PAK5: variants seen among roughly 807,000 people sequenced by gnomAD.
PAK5 encodes the protein p21 (RAC1) activated kinase 5.
PAK5 carries 16 observed loss-of-function variants against 65.9 expected under a neutral mutation model. That is an observed-to-expected ratio of 0.24 (90% CI 0.16 to 0.37). PAK5 has a LOEUF of 0.37. Among genes scored for constraint, PAK5 ranks in the 10% least tolerant of loss-of-function variants. The pLI, the probability that PAK5 is intolerant of heterozygous loss-of-function variation, is 1.00. For synonymous variants in PAK5, 371 were observed against 354.9 expected, an observed-to-expected ratio of 1.05 and a Z score of -0.51; for missense variants, 785 against 903.9, an observed-to-expected ratio of 0.87 and a Z score of 1.69.
At chr20:9,740,713 A>C (rs1383244082) in intron 1 of PAK5, among the ~76,000 whole-genome samples, 1 of 152,224 alleles carries the variant, frequency 6.6e-6, no homozygotes, top group African/African-American at 2.4e-5. Context: ...GCCAGCCTCA[A>C]TCAGCCAACA....
chr20:9,787,959 T>C (rs1429484704), intron 1 of PAK5, among the ~76,000 whole-genome samples: 1 of 136,654 alleles, frequency 7.3e-6, no homozygotes, highest in Non-Finnish European at 1.6e-5. Context: ...ATTAGCTGTC[T>C]CCAGCCCATG....
At chr20:9,557,454 G>A (rs1466235664) in intron 7 of PAK5, among the ~76,000 whole-genome samples, 154 bp downstream of exon 7, 1 of 152,208 alleles carries the variant, frequency 6.6e-6, no homozygotes, top group Non-Finnish European at 1.5e-5. Flanking sequence ...GGAAGGGATG[G>A]TAATTTCTTT....
At chr20:9,728,100 T>C (rs1425298924) in intron 1 of PAK5, among the ~76,000 whole-genome samples, 2 of 152,112 alleles carry the variant, frequency 1.3e-5, no homozygotes, top group Admixed American at 1.3e-4. Context: ...TGGGAGATGA[T>C]TAGGCAATGA....
At chr20:9,602,327 TAAATA>T (rs921321190) in intron 3 of PAK5, among the ~76,000 whole-genome samples, 7 of 144,122 alleles carry the variant, frequency 4.9e-5, no homozygotes, top group Non-Finnish European at 9.3e-5. Flanking sequence ...AATAAATAAA[TAAATA>T]AATAAATAAA....
rs2122994471 is a variant in PAK5, at chr20:9,566,031, G to A, written c.1344C>T (p.Tyr448=). 6.2e-7 allele frequency: 1 copy of A among 1,613,976 alleles called. No homozygotes were observed. The highest frequency in any genetic ancestry group is 8.5e-7 in the Non-Finnish European group (1 of 1,179,998). ...CCCCGATTTTGATAAAGTTGGCCAA[G>A]TATTCCCTGGGGTCTCCTGGGCTGA... is the stretch of plus-strand genomic sequence containing the variant. ...LVVSPGDPRE[Y]LANFIKIGEG... Residue 448 remains tyrosine, a synonymous_variant, in exon 5 of 10, where the codon TAC becomes TAT. Transcript: ENST00000353224.
At chr20:9,764,857 T>C (rs2048739387) in intron 1 of PAK5, among the ~76,000 whole-genome samples, 1 of 152,154 alleles carries the variant, frequency 6.6e-6, no homozygotes. Context: ...TTTAGGATCT[T>C]TAAAAAATAA....
chr20:9,657,741 T>A (rs969932013), intron 2 of PAK5, among the ~76,000 whole-genome samples: 1 of 152,160 alleles, frequency 6.6e-6, no homozygotes, highest in South Asian at 2.1e-4. Context: ...TCAGCCTTTA[T>A]GGATAAAAAG....
At chr20:9,584,828 C>T (rs189016773) in intron 3 of PAK5, among the ~76,000 whole-genome samples, 49 of 152,318 alleles carry the variant, frequency 3.2e-4, no homozygotes, top group Non-Finnish European at 5.9e-4. Flanking sequence ...ACATTTTCTA[C>T]TCCCTCTCTT....
In PAK5 at chr20:9,557,581, C is replaced by T. The variant is rs555487843; in HGVS notation, c.1743+27G>A. 326 of 1,582,690 alleles carry T rather than the reference C, an allele frequency of 2.1e-4. 1 individual carries two copies. The South Asian group carries it at 3.3e-3, about 16-fold the overall frequency. The stretch of plus-strand genomic sequence containing the variant: ...ACAGACAGAGTGACAAGAAAAACTA[C>T]GAACGGGCCAAACATGAACATCTTA... On this transcript the variant is annotated intron_variant, in intron 7 of 9. Transcript: ENST00000353224.
chr20:9,561,074 T>G (rs916820195), intron 6 of PAK5, among the ~76,000 whole-genome samples: 4 of 152,250 alleles, frequency 2.6e-5, no homozygotes, highest in Non-Finnish European at 5.9e-5. Flanking sequence ...AAGGAAGCTC[T>G]CTGAATTCTG....
intron 3 of PAK5, among the ~76,000 whole-genome samples, chr20:9,614,493 C>A (rs991047286): frequency 1.1e-4 from 16 of 152,088 alleles, no homozygotes; most frequent in Non-Finnish European, 2.4e-4. Flanking sequence ...GAACACCAAC[C>A]ACGATGAATG....
At position 9,647,566 on chromosome 20, in the gene PAK5, A is replaced by G. The variant is rs2047150081; in HGVS notation, c.-11-3227T>C. On this transcript the variant is annotated intron_variant, in intron 2 of 9. Transcript: ENST00000353224. ...TTCCCAGTGGTTGCTATGCCACTCAATGAGAGCATTGAAAAGAAGATATCA... is the reference window on the plus strand; with the variant it reads ...TTCCCAGTGGTTGCTATGCCACTCAGTGAGAGCATTGAAAAGAAGATATCA... Among the ~76,000 whole-genome samples, 3 of 152,340 alleles carry G rather than the reference A, an allele frequency of 2.0e-5. No homozygotes were observed. In the South Asian group the frequency reaches 6.2e-4, roughly 32 times the overall value.
chr20:9,590,913 T>G (rs2046159153), intron 3 of PAK5, among the ~76,000 whole-genome samples: 1 of 152,202 alleles, frequency 6.6e-6, no homozygotes, highest in South Asian at 2.1e-4. Context: ...TAAGGTCACC[T>G]TAGGCAACAG....
chr20:9,650,133 G>T (rs1246290658), intron 2 of PAK5, among the ~76,000 whole-genome samples: 3 of 152,342 alleles, frequency 2.0e-5, no homozygotes, highest in African/African-American at 7.2e-5. Flanking sequence ...CATAGCTCCT[G>T]TAATTGTTTG....
intron 1 of PAK5, among the ~76,000 whole-genome samples, chr20:9,817,650 G>C (rs1191981168): frequency 6.6e-6 from 1 of 152,122 alleles, no homozygotes; most frequent in South Asian, 2.1e-4. Context: ...GCCCAAACAA[G>C]GTACCTAATA....
At chr20:9,548,791 G>T (rs2045383449) in intron 7 of PAK5, among the ~76,000 whole-genome samples, 1 of 152,168 alleles carries the variant, frequency 6.6e-6, no homozygotes, top group African/African-American at 2.4e-5. Context: ...TTGGAACACA[G>T]ATGAAATGAA....
At chr20:9,694,919 A>T (rs6056805) in intron 2 of PAK5, among the ~76,000 whole-genome samples, 2,363 of 152,178 alleles carry the variant, frequency 0.016, 22 homozygotes, top group Middle Eastern at 0.041. Flanking sequence ...CATACCTAAG[A>T]GTAGCATTGC....
intron 3 of PAK5, among the ~76,000 whole-genome samples, chr20:9,584,996 T>C (rs2046044148): frequency 6.6e-6 from 1 of 152,170 alleles, no homozygotes; most frequent in African/African-American, 2.4e-5. Context: ...AGGGCCCTTC[T>C]GAATCACTGG....
At chr20:9,802,276 G>T (rs1162112641) in intron 1 of PAK5, among the ~76,000 whole-genome samples, 1 of 152,112 alleles carries the variant, frequency 6.6e-6, no homozygotes, top group Non-Finnish European at 1.5e-5. Context: ...TGTGAGGTTA[G>T]CTAGGTTGTA....
Sources: allele counts gnomAD v4.1 joint callset (sites outside exome capture counted in the v4.1 genomes callset), GRCh38; gene constraint gnomAD v4.1.1; transcripts MANE v1.5; gene names NCBI Gene and HGNC (gene_info 2026-07-23, HGNC 2026-07-21).